Variants in STMN4 observed in about 807,000 individuals in gnomAD.
STMN4 encodes the protein stathmin-4.
A neutral mutation model predicts 29.1 loss-of-function variants in STMN4; 12 were observed. The observed-to-expected ratio is 0.41, with a 90% confidence interval of 0.26 to 0.67. The LOEUF (loss-of-function observed/expected upper bound fraction) is 0.67. STMN4 is among the 30% of genes least tolerant of loss of function. The probability of loss-of-function intolerance (pLI) is 0.30; values close to 1 mark genes in which losing one functional copy is unlikely to be tolerated. For missense variants in STMN4, 181 were observed against 262.8 expected, an observed-to-expected ratio of 0.69 and a Z score of 2.15; for synonymous variants, 114 against 105.3, an observed-to-expected ratio of 1.08 and a Z score of -0.51.
chr8:27,243,916 TC>T, intron 1 of STMN4, 115 bp from the exon 2 acceptor site: 2 of 904,002 alleles, frequency 2.2e-6, no homozygotes, highest in Non-Finnish European at 3.4e-6. Context: ...TTGCTCTTCC[TC>T]CAGGCCCTCT....
At chr8:27,253,845 C>T (rs899508921) in intron 1 of STMN4, among the ~76,000 whole-genome samples, 11 of 151,428 alleles carry the variant, frequency 7.3e-5, no homozygotes, top group African/African-American at 2.7e-4. Flanking sequence ...TTCAGTGGTG[C>T]AATCTTGGCT....
Position 27,243,764 on chromosome 8 carries a change from G to T in STMN4, c.-41C>A. 1 of 1,614,216 alleles carries T rather than the reference G, an allele frequency of 6.2e-7. No homozygotes were observed. Among genetic ancestry groups the T allele is most frequent in the East Asian group, 2.2e-5 (1 of 44,886 alleles). On this transcript the variant is annotated 5_prime_UTR_variant, in exon 2 of 7. In the 5' UTR this introduces an upstream ATG that the reference lacks. Coordinates refer to ENST00000350889, the MANE Select transcript of STMN4 (RefSeq NM_030795.4). ...TGGCTGAATCTAGCTGAAAGTTACA[G>T]AGTGGGTCTGTCACCAGCTTGGGAC... is the stretch of plus-strand genomic sequence containing the variant.
intron 1 of STMN4, among the ~76,000 whole-genome samples, chr8:27,252,160 A>T (rs1246349501): frequency 6.6e-6 from 1 of 151,022 alleles, no homozygotes; most frequent in Non-Finnish European, 1.5e-5. Context: ...TTATGGCTGC[A>T]TAGTATTCCA....
Position 27,235,578 on chromosome 8 carries a change from G to A in STMN4, c.*1268C>T, listed in dbSNP as rs1322943296. 6.6e-6 allele frequency: 1 copy of A among 152,210 alleles called. No homozygotes were observed. The highest frequency in any genetic ancestry group is 1.5e-5 in the Non-Finnish European group (1 of 68,066). The allele number at this position is 152,210 out of a possible 1,614,324, so 9.4% of individuals were successfully genotyped here. On this transcript the variant is annotated 3_prime_UTR_variant, in exon 7 of 7. Coordinates refer to ENST00000350889, the MANE Select transcript of STMN4 (RefSeq NM_030795.4). Reference sequence around the variant, plus strand: ...TTGCTCGTATTTTCTAATCTACCTAGAATCTCAAACCCCCAAAGCATGGAG... The same window carrying A: ...TTGCTCGTATTTTCTAATCTACCTAAAATCTCAAACCCCCAAAGCATGGAG...
chr8:27,243,889 T>G, intron 1 of STMN4, 88 bp from the exon 2 acceptor site: 4 of 1,191,396 alleles, frequency 3.4e-6, no homozygotes, highest in Non-Finnish European at 4.8e-6. Context: ...GGGGAGGGAA[T>G]CTCAGGGGTA....
intron 6 of STMN4, among the ~76,000 whole-genome samples, chr8:27,237,168 G>C (rs116094016): frequency 6.6e-6 from 1 of 152,128 alleles, no homozygotes; most frequent in African/African-American, 2.4e-5. Context: ...CAGTGACCAT[G>C]GGCCACGCAG....
At position 27,242,489 on chromosome 8, in the gene STMN4, T is replaced by C; in HGVS notation, c.17A>G (p.Tyr6Cys). The C allele has an allele frequency of 3.1e-6, 5 of 1,614,088 alleles. No homozygotes were observed. Among genetic ancestry groups the C allele is most frequent in the Non-Finnish European group, 3.4e-6 (4 of 1,179,960 alleles). The change falls in exon 3 of 7, where the codon TAC becomes TGC. Residue 6 changes from tyrosine (Y) to cysteine (C), a missense_variant. By Grantham distance (194) the Tyr-to-Cys change is radical (BLOSUM62 -2). Coordinates refer to ENST00000350889, the MANE Select transcript of STMN4 (RefSeq NM_030795.4). ...CGGGAGCTCCTTCATCTTCTCTTTGTAGGCTGCGGAAACACCCAGTCAGGT... is the reference window on the plus strand; with the variant it reads ...CGGGAGCTCCTTCATCTTCTCTTTGCAGGCTGCGGAAACACCCAGTCAGGT... Reference protein sequence around the residue: MTLAAYKEKMKELPLV... With the variant: MTLAACKEKMKELPLV...
intron 2 of STMN4, 115 bp downstream of exon 2, chr8:27,243,596 C>A (rs946904001): frequency 1.6e-5 from 18 of 1,138,886 alleles, no homozygotes; most frequent in Admixed American, 3.5e-5. Context: ...CTGCACCCCC[C>A]CACACACCCC....
chr8:27,237,375 T>G (rs1336978848), intron 6 of STMN4, among the ~76,000 whole-genome samples: 2 of 152,236 alleles, frequency 1.3e-5, no homozygotes, highest in African/African-American at 4.8e-5. Flanking sequence ...GAGAATTGCC[T>G]TAACCCTCTT....
chr8:27,255,471 C>G (rs1260727620), intron 1 of STMN4, among the ~76,000 whole-genome samples: 1 of 152,192 alleles, frequency 6.6e-6, no homozygotes, highest in Non-Finnish European at 1.5e-5. Flanking sequence ...AAAAATTAAG[C>G]CTTTCTTTGA....
rs774526119 is a variant in STMN4, at chr8:27,240,194, TCA to T, written c.400-34_400-33del. The T allele has an allele frequency of 3.3e-5, 53 of 1,601,730 alleles. No homozygotes were observed. In the East Asian group the frequency reaches 1.2e-3, roughly 36 times the overall value. ...AAGCATAAAGGCAGAAGGAGGCCCT[TCA>T]CAGTGAGTGTGCCAGGGTTTATTTT... On this transcript the variant is annotated intron_variant, in intron 5 of 6. Coordinates refer to ENST00000350889, the MANE Select transcript of STMN4 (RefSeq NM_030795.4).
intron 1 of STMN4, among the ~76,000 whole-genome samples, chr8:27,254,300 G>A (rs940285770): frequency 6.6e-6 from 1 of 152,120 alleles, no homozygotes; most frequent in Non-Finnish European, 1.5e-5. Flanking sequence ...ATGGTCCACT[G>A]ACACTCTGCT....
Position 27,236,669 on chromosome 8 carries a change from G to A in STMN4, c.*177C>T. ...ATTGTTCCCCGGAAACAAATAGGAT[G>A]GCTTCACTGGTCAATTCTTAACATG... On this transcript the variant is annotated 3_prime_UTR_variant, in exon 7 of 7. Transcript: ENST00000350889. 2.1e-6 allele frequency: 1 copy of A among 484,268 alleles called. No individual in the cohort carries two copies. The highest frequency in any genetic ancestry group is 3.6e-6 in the Non-Finnish European group (1 of 280,562). The allele number at this position is 484,268 out of a possible 1,614,324, so 30.0% of individuals were successfully genotyped here. A position where few individuals can be genotyped will look rare whatever the true frequency, so the allele number is the denominator to read the frequency against.
At chr8:27,238,585 C>G (rs1015190405) in intron 6 of STMN4, among the ~76,000 whole-genome samples, 1 of 152,232 alleles carries the variant, frequency 6.6e-6, no homozygotes, top group African/African-American at 2.4e-5. Context: ...CTAAGTTCTG[C>G]ACTCCCTTTC....
At chr8:27,244,059 G>T (rs1004843306) in intron 1 of STMN4, among the ~76,000 whole-genome samples, 2 of 152,174 alleles carry the variant, frequency 1.3e-5, no homozygotes, top group African/African-American at 2.4e-5. Flanking sequence ...GCACATGCAA[G>T]CGTGGGTTTC....
At chr8:27,236,981 G>T in intron 6 of STMN4, 76 bp from the exon 7 acceptor site, 1 of 1,503,348 alleles carries the variant, frequency 6.7e-7, no homozygotes, top group Non-Finnish European at 9.0e-7. Context: ...AGGGGCAAGA[G>T]AACCAAAAGC....
intron 1 of STMN4, among the ~76,000 whole-genome samples, chr8:27,254,739 CAT>C (rs1305043350): frequency 6.5e-5 from 8 of 122,314 alleles, no homozygotes; most frequent in African/African-American, 1.4e-4. Context: ...TGGGAGCACT[CAT>C]ATATGTGTGT....
At chr8:27,239,006 G>A (rs531217243) in intron 6 of STMN4, among the ~76,000 whole-genome samples, 5 of 152,326 alleles carry the variant, frequency 3.3e-5, no homozygotes, top group East Asian at 3.9e-4. Context: ...CCTGAGGGCC[G>A]ACCCAGATCA....
chr8:27,257,701 A>G (rs7838654), intron 1 of STMN4, among the ~76,000 whole-genome samples: 14,301 of 151,898 alleles, frequency 0.094, 2,226 homozygotes, highest in African/African-American at 0.32. Flanking sequence ...AAGGAGGGGG[A>G]CTGGCCAGGG....
Sources: gnomAD v4.1 joint callset for allele counts (sites outside exome capture counted in the v4.1 genomes callset) on GRCh38, gnomAD v4.1.1 for gene constraint, MANE v1.5 for transcripts, NCBI Gene and HGNC (gene_info 2026-07-23, HGNC 2026-07-21) for gene names.